C4orf36: variants seen among roughly 807,000 people sequenced by gnomAD.
C4orf36 encodes the protein uncharacterized protein C4orf36.
Under a neutral mutation model 12.2 loss-of-function variants are expected in C4orf36, and 11 were observed. That is an observed-to-expected ratio of 0.90 (90% confidence interval 0.57 to 1.49). C4orf36 has a LOEUF of 1.49. C4orf36 is among the 40% of genes most tolerant of loss of function. The pLI is 0.00. For missense variants in C4orf36, 137 were observed against 133.9 expected, an observed-to-expected ratio of 1.02 and a Z score of -0.11; for synonymous variants, 54 against 51.3, an observed-to-expected ratio of 1.05 and a Z score of -0.22.
At position 86,887,762 on chromosome 4, in the gene C4orf36, AT is replaced by A. The variant is rs765415255; in HGVS notation, c.351del (p.Lys117AsnfsTer4). The A allele has an allele frequency of 5.6e-6, 9 of 1,614,128 alleles. No individual in the cohort carries two copies. In the African/African-American group the frequency reaches 9.3e-5, roughly 17 times the overall value. On this transcript the variant is annotated frameshift_variant, in exon 4 of 5. Coordinates refer to ENST00000295898, the MANE Select transcript of C4orf36 (RefSeq NM_144645.4). LOFTEE classifies it high-confidence loss of function. ...PAGLRRPLPS[K>X] is the part of the protein sequence containing the mutation. Reference sequence around the variant, plus strand: ...CAGATTCAATCATGAACTGACTGTCATTTAGATGGAAGAGGTCTTCTCAAAC... The same window carrying A: ...CAGATTCAATCATGAACTGACTGTCATTAGATGGAAGAGGTCTTCTCAAAC...
At chr4:86,893,670 C>T (rs1264659377), upstream of C4orf36, among the ~76,000 whole-genome samples, 1 of 151,896 alleles carries the variant, frequency 6.6e-6, no homozygotes, top group East Asian at 1.9e-4. Context: ...GCAGGGCTGA[C>T]CCATCTTTCA....
chr4:86,913,652 G>A, the C4orf36 span: 2 of 1,589,290 alleles, frequency 1.3e-6, no homozygotes, highest in Non-Finnish European at 1.7e-6. Flanking sequence ...CACTTTTTGA[G>A]GCATCAGCAA....
chr4:86,877,369 T>C (rs1008061728), intron 4 of C4orf36, among the ~76,000 whole-genome samples: 1 of 152,166 alleles, frequency 6.6e-6, no homozygotes, highest in Non-Finnish European at 1.5e-5. Flanking sequence ...AGGACAGGTA[T>C]GTAAAGGAAG....
chr4:86,916,072 T>C, the C4orf36 span, among the ~76,000 whole-genome samples: 6 of 152,216 alleles, frequency 3.9e-5, no homozygotes, highest in Non-Finnish European at 5.9e-5. Flanking sequence ...TGTGGTCATT[T>C]GTTACAGCAG....
chr4:86,876,748 C>T, intron 4 of C4orf36: 2 of 1,482,198 alleles, frequency 1.3e-6, no homozygotes, highest in Admixed American at 2.4e-5. Context: ...CTGTTGCATC[C>T]AAGTAAAATT....
chr4:86,884,662 C>A (rs895607893), intron 4 of C4orf36, among the ~76,000 whole-genome samples: 1 of 152,096 alleles, frequency 6.6e-6, no homozygotes, highest in African/African-American at 2.4e-5. Flanking sequence ...TACTTTAAAG[C>A]ACCACATGTG....
intron 4 of C4orf36, chr4:86,887,107 C>T (rs1407937646): frequency 7.0e-6 from 1 of 142,688 alleles, no homozygotes; most frequent in African/African-American, 2.6e-5. Flanking sequence ...ACACGGGGGC[C>T]TGTTGTGGGG....
chr4:86,904,278 C>G, the C4orf36 span, among the ~76,000 whole-genome samples: 1 of 152,220 alleles, frequency 6.6e-6, no homozygotes, highest in Non-Finnish European at 1.5e-5. Context: ...CCTGGCTCCG[C>G]CCGCGCGTTT....
chr4:86,928,669 A>G, the C4orf36 span, among the ~76,000 whole-genome samples: 1 of 152,188 alleles, frequency 6.6e-6, no homozygotes, highest in Non-Finnish European at 1.5e-5. Flanking sequence ...CAATCAGTAA[A>G]TGGTAAATGT....
chr4:86,907,872 G>A, the C4orf36 span, among the ~76,000 whole-genome samples: 16 of 152,004 alleles, frequency 1.1e-4, no homozygotes, highest in Non-Finnish European at 2.2e-4. Flanking sequence ...AGGAGGCTGA[G>A]GCAGGAGAAT....
At chr4:86,889,298 C>T (rs1172557455) in intron 2 of C4orf36, among the ~76,000 whole-genome samples, 1 of 149,604 alleles carries the variant, frequency 6.7e-6, no homozygotes, top group Non-Finnish European at 1.5e-5. Context: ...TTGCAGTGAG[C>T]TGAGATCATG....
chr4:86,898,960 T>C, the C4orf36 span, among the ~76,000 whole-genome samples: 1 of 152,098 alleles, frequency 6.6e-6, no homozygotes, highest in Non-Finnish European at 1.5e-5. Context: ...GCACAGTGGC[T>C]CATACCTGTA....
chr4:86,908,291 G>A, the C4orf36 span, among the ~76,000 whole-genome samples: 1 of 151,988 alleles, frequency 6.6e-6, no homozygotes, highest in Non-Finnish European at 1.5e-5. Flanking sequence ...GAAAGAAAGT[G>A]GGTTTGATAA....
chr4:86,926,424 G>A, the C4orf36 span: 6 of 152,308 alleles, frequency 3.9e-5, no homozygotes, highest in Admixed American at 3.9e-4. Context: ...TAAAAAGCAT[G>A]CAATTTATAT....
Position 86,876,273 on chromosome 4 carries a change from G to A in C4orf36, c.*173C>T, listed in dbSNP as rs1478748454. 1 of 802,340 alleles carries A rather than the reference G, an allele frequency of 1.2e-6. No individual in the cohort carries two copies. The highest frequency in any genetic ancestry group is 1.8e-6 in the Non-Finnish European group (1 of 541,610). 49.7% of individuals were successfully genotyped at this position (802,340 alleles called of 1,614,324 possible). The stretch of plus-strand genomic sequence containing the variant: ...ACAAACTGAGTTCCACTGAAATTAA[G>A]AGATTTTCTCGGTCTCTGGGCGGGC... On this transcript the variant is annotated 3_prime_UTR_variant, in exon 5 of 5. Transcript: ENST00000295898.
Position 86,891,255 on chromosome 4 carries a change from A to C in C4orf36, c.65+201T>G, listed in dbSNP as rs538388780. Among the ~76,000 whole-genome samples, 9 of 150,768 alleles carry C rather than the reference A, an allele frequency of 6.0e-5. No individual in the cohort carries two copies. The South Asian group carries it at 1.9e-3, about 32-fold the overall frequency. ...TCTCACTTGAAAGTGTTGTGTTGTA[A>C]AGACCAAGTAAGATAATTAACTTAT... On this transcript the variant is annotated intron_variant, in intron 2 of 4. Transcript: ENST00000295898.
At chr4:86,885,265 T>C (rs1747149185) in intron 4 of C4orf36, among the ~76,000 whole-genome samples, 1 of 152,176 alleles carries the variant, frequency 6.6e-6, no homozygotes, top group African/African-American at 2.4e-5. Context: ...GGGGATGGCA[T>C]TGAATCTATA....
At chr4:86,894,204 G>A (rs989142205), upstream of C4orf36, among the ~76,000 whole-genome samples, 2 of 152,058 alleles carry the variant, frequency 1.3e-5, no homozygotes, top group Non-Finnish European at 2.9e-5. Context: ...GTCTTTGGCC[G>A]GAATTTTTAA....
the C4orf36 span, chr4:86,914,170 C>T: frequency 1.8e-5 from 29 of 1,591,724 alleles, no homozygotes; most frequent in Non-Finnish European, 2.2e-5. Context: ...AATTTGTTCC[C>T]TAGTGGGGAC....
Sources: gnomAD v4.1 joint callset for allele counts (sites outside exome capture counted in the v4.1 genomes callset) on GRCh38, gnomAD v4.1.1 for gene constraint, MANE v1.5 for transcripts, NCBI Gene and HGNC (gene_info 2026-07-23, HGNC 2026-07-21) for gene names.